Variants in ARID3A observed in about 807,000 individuals in gnomAD.
ARID3A encodes the protein AT-rich interactive domain-containing protein 3A.
In ARID3A, 11 loss-of-function variants were observed where a neutral mutation model predicts 52.7. The ratio of observed to expected loss-of-function variants is 0.21; its 90% CI spans 0.13 to 0.35. The LOEUF (loss-of-function observed/expected upper bound fraction) is 0.35, where lower values mean the gene tolerates loss of function less well. ARID3A is among the 10% of genes least tolerant of loss of function. The pLI is 1.00. For synonymous variants in ARID3A, 404 were observed against 359.4 expected (o/e 1.12, Z -1.40); for missense variants, 721 against 838.5 (o/e 0.86, Z 1.73).
rs543343893 is a variant in ARID3A at position 952,905 on chromosome 19, G to A, written c.694-7187G>A. Reference sequence around the variant, plus strand: ...CAGGTGGGGCCTGCCTGGGGACTGAGTGGGGAAACCATAGCCCCCCTGTGA... The same window carrying A: ...CAGGTGGGGCCTGCCTGGGGACTGAATGGGGAAACCATAGCCCCCCTGTGA... On this transcript the variant is annotated intron_variant, in intron 3 of 8. Transcript: ENST00000263620. Among the ~76,000 whole-genome samples, 3 of 152,296 alleles carry A rather than the reference G, an allele frequency of 2.0e-5. No individual in the cohort carries two copies. In the East Asian group the frequency reaches 5.8e-4, roughly 29 times the overall value.
At chr19:940,748 C>A (rs1485669324) in intron 3 of ARID3A, among the ~76,000 whole-genome samples, 2 of 152,152 alleles carry the variant, frequency 1.3e-5, no homozygotes, top group Admixed American at 1.3e-4. Context: ...GGCCGCCAGC[C>A]CTGGTGCCGG....
intron 6 of ARID3A, among the ~76,000 whole-genome samples, chr19:965,872 G>C (rs777526352): frequency 8.6e-5 from 13 of 151,550 alleles, no homozygotes; most frequent in African/African-American, 2.9e-4. Flanking sequence ...CACACCTGTA[G>C]TCCCAGCTAC....
At position 941,498 on chromosome 19, in the gene ARID3A, C is replaced by T. The variant is rs1020483779; in HGVS notation, c.693+8756C>T. ...GTTTAGGTCTCTGTGTGCCGAGTGA[C>T]GTGGCAAACTTCCCACGTCCCTGTT... is the stretch of plus-strand genomic sequence containing the variant. On this transcript the variant is annotated intron_variant, in intron 3 of 8. Coordinates refer to ENST00000263620, the MANE Select transcript of ARID3A (RefSeq NM_005224.3). This position sits in a 1 kb window ranked among gnomAD's most constrained non-coding sequence, Gnocchi z 6.9. Among the ~76,000 whole-genome samples, 4 of 152,204 alleles carry T rather than the reference C, an allele frequency of 2.6e-5. No individual in the cohort carries two copies. Among genetic ancestry groups the T allele is most frequent in the Non-Finnish European group, 4.4e-5 (3 of 68,036 alleles).
rs886689137 is a variant in ARID3A, at chr19:960,588, G to A, written c.766+424G>A. ...AGGTGCGGCAGGACAGAAGCCCCCCGCCCGGCCGCGAGATGGCTTAGAGTC... is the reference window on the plus strand; with the variant it reads ...AGGTGCGGCAGGACAGAAGCCCCCCACCCGGCCGCGAGATGGCTTAGAGTC... On this transcript the variant is annotated intron_variant, in intron 4 of 8. Coordinates refer to ENST00000263620, the MANE Select transcript of ARID3A (RefSeq NM_005224.3). The surrounding 1 kb of genome is among the most constrained non-coding windows in gnomAD (Gnocchi z 4.3). Among the ~76,000 whole-genome samples the A allele has an allele frequency of 2.0e-5, 3 of 152,140 alleles. No homozygotes were observed. Among genetic ancestry groups the A allele is most frequent in the Admixed American group, 6.5e-5 (1 of 15,292 alleles).
rs1276245312 is a variant in ARID3A at position 938,473 on chromosome 19, C to T, written c.693+5731C>T. Among the ~76,000 whole-genome samples, 2 of 152,136 alleles carry T rather than the reference C, an allele frequency of 1.3e-5. No homozygotes were observed. The highest frequency in any genetic ancestry group is 2.4e-5 in the African/African-American group (1 of 41,408). On this transcript the variant is annotated intron_variant, in intron 3 of 8. Coordinates refer to ENST00000263620, the MANE Select transcript of ARID3A (RefSeq NM_005224.3). The surrounding 1 kb of genome is among the most constrained non-coding windows in gnomAD (Gnocchi z 4.0). ...GACTTGTGCACAGTCGCCCGGGGGA[C>T]GTGTCAGAGCTGGAATTTGACCCCC...
intron 3 of ARID3A, among the ~76,000 whole-genome samples, chr19:934,694 G>A (rs2037403292): frequency 1.3e-5 from 2 of 152,262 alleles, no homozygotes; most frequent in East Asian, 1.9e-4. Context: ...CGGGAGACGG[G>A]ATTGGAACTC....
chr19:943,975 C>CTG (rs2037615770), intron 3 of ARID3A, among the ~76,000 whole-genome samples: 7 of 150,986 alleles, frequency 4.6e-5, no homozygotes, highest in African/African-American at 1.7e-4. Flanking sequence ...GGGGCACCTG[C>CTG]TGTATGCCAG....
chr19:932,372 C>T (rs762842530), intron 2 of ARID3A, 46 bp from the exon 3 acceptor site: 60 of 1,569,792 alleles, frequency 3.8e-5, no homozygotes, highest in Non-Finnish European at 4.7e-5. Context: ...TGGGCTGGGA[C>T]GAGCCAGCAC....
At chr19:967,419 C>T (rs1466883850) in intron 7 of ARID3A, among the ~76,000 whole-genome samples, 4 of 152,190 alleles carry the variant, frequency 2.6e-5, no homozygotes, top group South Asian at 2.1e-4. Context: ...GTTAGCTGGG[C>T]GTGGTGACAC....
chr19:974,369 G>T lies in ARID3A; in HGVS notation c.*2304G>T, dbSNP rs1053745879. ...GTAGCAGCACAATCACCCCGGGAAG[G>T]GGGTGTCTGTTTGCCTCCAGACACA... On this transcript the variant is annotated 3_prime_UTR_variant, in exon 9 of 9. Transcript: ENST00000263620. 9 of 229,646 alleles carry T rather than the reference G, an allele frequency of 3.9e-5. No individual in the cohort carries two copies. The highest frequency in any genetic ancestry group is 1.7e-4 in the Admixed American group (3 of 17,682). The allele number at this position is 229,646 out of a possible 1,614,324, so 14.2% of individuals were successfully genotyped here.
chr19:941,540 G>T lies in ARID3A; in HGVS notation c.693+8798G>T, dbSNP rs2037555312. The stretch of plus-strand genomic sequence containing the variant: ...GTCCCTGTTTTGCGTGGACCTGTTG[G>T]TGAGTGTGTCCAGACGTGTGTCTGC... On this transcript the variant is annotated intron_variant, in intron 3 of 8. Coordinates refer to ENST00000263620, the MANE Select transcript of ARID3A (RefSeq NM_005224.3). The surrounding 1 kb of genome is among the most constrained non-coding windows in gnomAD (Gnocchi z 6.9). 6.6e-6 allele frequency among the ~76,000 whole-genome samples: 1 copy of T among 152,200 alleles called. No individual in the cohort carries two copies. The highest frequency in any genetic ancestry group is 6.5e-5 in the Admixed American group (1 of 15,278).
intron 2 of ARID3A, among the ~76,000 whole-genome samples, chr19:930,549 G>C (rs147779856): frequency 6.9e-6 from 1 of 144,268 alleles, no homozygotes; most frequent in Non-Finnish European, 1.5e-5. Context: ...TGCTCTTTTC[G>C]CCCAGGCTGG....
At chr19:970,769 G>T (rs900931121) in intron 8 of ARID3A, among the ~76,000 whole-genome samples, 2 of 151,910 alleles carry the variant, frequency 1.3e-5, no homozygotes, top group African/African-American at 2.4e-5. Flanking sequence ...CACCACACCC[G>T]GCGGTAAATG....
chr19:972,116 G>T lies in ARID3A; in HGVS notation c.*51G>T, dbSNP rs2038289787. 3 of 1,474,418 alleles carry T rather than the reference G, an allele frequency of 2.0e-6. No homozygotes were observed. In the South Asian group the frequency reaches 4.0e-5, roughly 20 times the overall value. 91.3% of individuals were successfully genotyped at this position (1,474,418 alleles called of 1,614,324 possible). ...ACCCTGGAGCCCGCCGGCCTGGGCA[G>T]GGGGTCCAGGTGGGCCACACAGGGG... On this transcript the variant is annotated 3_prime_UTR_variant, in exon 9 of 9. Coordinates refer to ENST00000263620, the MANE Select transcript of ARID3A (RefSeq NM_005224.3).
In ARID3A at chr19:947,832, C is replaced by T. The variant is rs1017593160; in HGVS notation, c.694-12260C>T. 1.2e-4 allele frequency among the ~76,000 whole-genome samples: 18 copies of T among 152,196 alleles called. No individual in the cohort carries two copies. The highest frequency in any genetic ancestry group is 4.1e-4 in the African/African-American group (17 of 41,456). On this transcript the variant is annotated intron_variant, in intron 3 of 8. Coordinates refer to ENST00000263620, the MANE Select transcript of ARID3A (RefSeq NM_005224.3). The surrounding 1 kb of genome is among the most constrained non-coding windows in gnomAD (Gnocchi z 6.3). ...CGGGGGAGTGGAGCCGGCAGATGTT[C>T]GGCCCTGCCCAGAATCACTTCCCCA...
intron 3 of ARID3A, among the ~76,000 whole-genome samples, chr19:956,929 C>T (rs986582821): frequency 1.3e-5 from 2 of 152,228 alleles, no homozygotes; most frequent in Admixed American, 6.5e-5. Context: ...GACCGATCAT[C>T]CCAGCTGAGG....
chr19:939,366 C>G (rs995610756), intron 3 of ARID3A, among the ~76,000 whole-genome samples: 3 of 152,166 alleles, frequency 2.0e-5, no homozygotes, highest in African/African-American at 7.2e-5. Flanking sequence ...ATCTGCCCGC[C>G]TCGGCCTCCC....
chr19:946,276 T>C (rs2037678163), intron 3 of ARID3A, among the ~76,000 whole-genome samples: 1 of 151,398 alleles, frequency 6.6e-6, no homozygotes, highest in Non-Finnish European at 1.5e-5. Context: ...ATGTATTTAT[T>C]TATGAGACAG....
chr19:968,870 G>T, intron 8 of ARID3A: 1 of 163,568 alleles, frequency 6.1e-6, no homozygotes, highest in Non-Finnish European at 1.3e-5. Flanking sequence ...GCTCAGACCG[G>T]TCTTGAACTC....
Sources: gnomAD v4.1 joint callset for allele counts (sites outside exome capture counted in the v4.1 genomes callset) on GRCh38, gnomAD v4.1.1 for gene constraint, Gnocchi (gnomAD v3.1) non-coding constraint, MANE v1.5 for transcripts, NCBI Gene and HGNC (gene_info 2026-07-23, HGNC 2026-07-21) for gene names.